Variants in MS4A7 observed in about 807,000 individuals in gnomAD.
MS4A7 encodes the protein membrane-spanning 4-domains subfamily A member 7.
MS4A7 carries 21 observed loss-of-function variants against 23.5 expected under a neutral mutation model. That is an observed-to-expected ratio of 0.89 (90% CI 0.63 to 1.29). The LOEUF (loss-of-function observed/expected upper bound fraction) is 1.29. MS4A7 is among the 50% of genes most tolerant of loss of function. The pLI, the probability that MS4A7 is intolerant of heterozygous loss-of-function variation, is 0.00. For synonymous variants in MS4A7, 111 were observed against 107.4 expected, an observed-to-expected ratio of 1.03 and a Z score of -0.21; for missense variants, 263 against 274.2, an observed-to-expected ratio of 0.96 and a Z score of 0.29.
chr11:60,380,126 G>A (rs961492928), intron 1 of MS4A7, among the ~76,000 whole-genome samples: 1 of 152,152 alleles, frequency 6.6e-6, no homozygotes, highest in Non-Finnish European at 1.5e-5. Flanking sequence ...TCCATGTTGT[G>A]CCATGTATCA....
intron 3 of MS4A7, 84 bp downstream of exon 3, chr11:60,385,306 G>A: frequency 1.3e-6 from 2 of 1,508,500 alleles, no homozygotes; most frequent in South Asian, 1.2e-5. Flanking sequence ...CAGACTCCAA[G>A]AGGCCAGGAG....
At chr11:60,382,490 G>T (rs1481593622) in intron 1 of MS4A7, among the ~76,000 whole-genome samples, 2 of 152,176 alleles carry the variant, frequency 1.3e-5, no homozygotes, top group Non-Finnish European at 2.9e-5. Flanking sequence ...TAAGTTACAG[G>T]GTTGTTATAA....
chr11:60,391,262 A>G (rs912633188), intron 5 of MS4A7, among the ~76,000 whole-genome samples: 6 of 152,240 alleles, frequency 3.9e-5, no homozygotes, highest in African/African-American at 1.4e-4. Flanking sequence ...ATCTGAATTC[A>G]TAATTACATA....
chr11:60,388,464 C>T (rs1590795345), intron 4 of MS4A7, among the ~76,000 whole-genome samples: 1 of 152,196 alleles, frequency 6.6e-6, no homozygotes, highest in Non-Finnish European at 1.5e-5. Context: ...CTCTTCAAAA[C>T]CCTCTTCCAT....
rs2085447885 is a variant in MS4A7 at position 60,383,146 on chromosome 11, T to TG, written c.5_6insG (p.Leu3IlefsTer109). 1 of 1,613,632 alleles carries TG rather than the reference T, an allele frequency of 6.2e-7. No homozygotes were observed. Among genetic ancestry groups the TG allele is most frequent in the Admixed American group, 1.7e-5 (1 of 59,974 alleles). Reference sequence around the variant, plus strand: ...TCTTCCAGCATCATCAGCATCATGCTATTACAATCCCAAACCATGGGGGTT... The same window carrying TG: ...TCTTCCAGCATCATCAGCATCATGCTGATTACAATCCCAAACCATGGGGGTT... On this transcript the variant is annotated frameshift_variant, in exon 2 of 7. Coordinates refer to ENST00000300184, the MANE Select transcript of MS4A7 (RefSeq NM_021201.5). LOFTEE classifies it high-confidence loss of function.
chr11:60,392,677 A>G lies in MS4A7; in HGVS notation c.547-8A>G. 6.2e-7 allele frequency: 1 copy of G among 1,611,200 alleles called. No individual in the cohort carries two copies. The highest frequency in any genetic ancestry group is 8.5e-7 in the Non-Finnish European group (1 of 1,178,142). On this transcript the variant is annotated splice_region_variant and splice_polypyrimidine_tract_variant and intron_variant, in intron 5 of 6. Transcript: ENST00000300184. ...TTGGGTACCAGCCATTCATGTCCTG[A>G]TTTGCAGGGTGTCCTAGTGGTGATG... is the stretch of plus-strand genomic sequence containing the variant.
At chr11:60,383,373 A>G in intron 2 of MS4A7, 85 bp downstream of exon 2, 2 of 1,464,130 alleles carry the variant, frequency 1.4e-6, no homozygotes, top group African/African-American at 1.4e-5. Context: ...GGTCTGGGAA[A>G]CTCTTTCACT....
At chr11:60,392,862 G>A in intron 6 of MS4A7, 76 bp downstream of exon 6, 1 of 1,042,970 alleles carries the variant, frequency 9.6e-7, no homozygotes, top group Non-Finnish European at 1.5e-6. Flanking sequence ...TCAAAAAGTG[G>A]CAAAAAGAAG....
At chr11:60,386,656 G>A (rs1164733509) in intron 3 of MS4A7, 61 bp from the exon 4 acceptor site, 1 of 1,349,626 alleles carries the variant, frequency 7.4e-7, no homozygotes, top group African/African-American at 1.5e-5. Context: ...GATTGACAGT[G>A]ACATGGTGGG....
At chr11:60,381,093 A>T (rs116841458) in intron 1 of MS4A7, among the ~76,000 whole-genome samples, 1,667 of 152,358 alleles carry the variant, frequency 0.011, 79 homozygotes, top group Admixed American at 0.085. Context: ...CCACATTCAT[A>T]GTACGTGCCC....
chr11:60,379,849 G>A (rs1458416114), intron 1 of MS4A7, among the ~76,000 whole-genome samples: 2 of 152,064 alleles, frequency 1.3e-5, no homozygotes, highest in Non-Finnish European at 2.9e-5. Flanking sequence ...CCATTTTTAG[G>A]TGTACAGTTC....
intron 1 of MS4A7, among the ~76,000 whole-genome samples, chr11:60,382,076 C>A (rs2085435859): frequency 6.6e-6 from 1 of 152,186 alleles, no homozygotes; most frequent in Non-Finnish European, 1.5e-5. Context: ...TAAACTCTGG[C>A]CTTCAGTAGG....
At chr11:60,388,416 A>C (rs1259615289) in intron 4 of MS4A7, among the ~76,000 whole-genome samples, 1 of 152,196 alleles carries the variant, frequency 6.6e-6, no homozygotes, top group Admixed American at 6.5e-5. Context: ...TCAGTTTCTA[A>C]GTCCAGAACT....
At chr11:60,392,365 A>G (rs2085562429) in intron 5 of MS4A7, among the ~76,000 whole-genome samples, 1 of 152,180 alleles carries the variant, frequency 6.6e-6, no homozygotes, top group Non-Finnish European at 1.5e-5. Context: ...GATACACAGA[A>G]TCAAATACAC....
rs1393268264 is a variant in MS4A7 at position 60,391,977 on chromosome 11, GA to G, written c.547-700del. Among the ~76,000 whole-genome samples the G allele has an allele frequency of 2.8e-5, 4 of 145,412 alleles. No individual in the cohort carries two copies. In the South Asian group the frequency reaches 8.7e-4, roughly 32 times the overall value. On this transcript the variant is annotated intron_variant, in intron 5 of 6. Coordinates refer to ENST00000300184, the MANE Select transcript of MS4A7 (RefSeq NM_021201.5). The stretch of plus-strand genomic sequence containing the variant: ...GAAAAAAAAAAAAAGGACAGTAAAG[GA>G]AAAAAAAGATATGTGCATTTGAGAA...
chr11:60,395,806 C>T lies in MS4A7; in HGVS notation c.*1945C>T, dbSNP rs1017368677. 4 of 151,872 alleles carry T rather than the reference C, an allele frequency of 2.6e-5. No individual in the cohort carries two copies. The highest frequency in any genetic ancestry group is 1.3e-4 in the Admixed American group (2 of 15,234). The allele number at this position is 151,872 out of a possible 1,614,324, so 9.4% of individuals were successfully genotyped here. On this transcript the variant is annotated 3_prime_UTR_variant, in exon 7 of 7. Transcript: ENST00000300184. The stretch of plus-strand genomic sequence containing the variant: ...TACAAAAAAAGAAAAAAGATAACTA[C>T]GTGAGGTGATGGATATGTTAATTAG...
chr11:60,383,437 G>T, intron 2 of MS4A7, 149 bp downstream of exon 2: 4 of 802,082 alleles, frequency 5.0e-6, no homozygotes, highest in Non-Finnish European at 7.5e-6. Context: ...TTTAAGGGAA[G>T]ACTCTTAAAG....
In MS4A7 at chr11:60,394,967, C is replaced by T. The variant is rs2085598680; in HGVS notation, c.*1106C>T. The stretch of plus-strand genomic sequence containing the variant: ...TCAGGGTAGGAGTCAATGAAGACAT[C>T]TTAGTCTTAACAAGTTACAGATAAT... On this transcript the variant is annotated 3_prime_UTR_variant, in exon 7 of 7. Coordinates refer to ENST00000300184, the MANE Select transcript of MS4A7 (RefSeq NM_021201.5). The T allele has an allele frequency of 1.5e-6, 1 of 665,006 alleles. No individual in the cohort carries two copies. The highest frequency in any genetic ancestry group is 2.8e-6 in the Non-Finnish European group (1 of 362,504). The allele number at this position is 665,006 out of a possible 1,614,324, so 41.2% of individuals were successfully genotyped here. A position where few individuals can be genotyped will look rare whatever the true frequency, so the allele number is the denominator to read the frequency against.
intron 4 of MS4A7, among the ~76,000 whole-genome samples, chr11:60,387,530 T>A (rs2085505180): frequency 6.6e-6 from 1 of 152,114 alleles, no homozygotes; most frequent in Non-Finnish European, 1.5e-5. Context: ...CAAAGACTCA[T>A]GCTTGATAAT....
Sources: gnomAD v4.1 joint callset for allele counts (sites outside exome capture counted in the v4.1 genomes callset) on GRCh38, gnomAD v4.1.1 for gene constraint, MANE v1.5 for transcripts, NCBI Gene and HGNC (gene_info 2026-07-23, HGNC 2026-07-21) for gene names.